The following NR3C2 variants were observed in gnomAD, a reference collection of about 807,000 sequenced individuals.
The protein encoded by NR3C2 is mineralocorticoid receptor.
A neutral mutation model predicts 86.4 loss-of-function variants in NR3C2; 15 were observed. The ratio of observed to expected loss-of-function variants is 0.17; its 90% CI spans 0.12 to 0.27. NR3C2 has a LOEUF of 0.27. Among genes scored for constraint, NR3C2 ranks in the 10% least tolerant of loss-of-function variants. The pLI, the probability that NR3C2 is intolerant of heterozygous loss-of-function variation, is 1.00. For synonymous variants in NR3C2, 458 were observed against 450.5 expected, an observed-to-expected ratio of 1.02 and a Z score of -0.21; for missense variants, 960 against 1,195.6, an observed-to-expected ratio of 0.80 and a Z score of 2.91.
chr4:148,168,933 C>T (rs1241457753), intron 4 of NR3C2, among the ~76,000 whole-genome samples: 1 of 147,192 alleles, frequency 6.8e-6, no homozygotes, highest in African/African-American at 2.6e-5. Context: ...CATAAAGTAC[C>T]CAATAATTAC....
intron 2 of NR3C2, among the ~76,000 whole-genome samples, chr4:148,375,122 C>T (rs557982675): frequency 6.6e-6 from 1 of 152,174 alleles, no homozygotes. Context: ...TTAATTTCTA[C>T]TCAGACCTAG....
chr4:148,259,420 T>C (rs1739985761), intron 3 of NR3C2, among the ~76,000 whole-genome samples: 1 of 149,406 alleles, frequency 6.7e-6, no homozygotes, highest in Admixed American at 6.8e-5. Context: ...CTGTGCATAG[T>C]GAATCTCAGT....
At chr4:148,326,343 G>A (rs772355439) in intron 2 of NR3C2, among the ~76,000 whole-genome samples, 3 of 152,092 alleles carry the variant, frequency 2.0e-5, no homozygotes, top group Non-Finnish European at 4.4e-5. Context: ...GGAGCCTGCA[G>A]TGAACTGAGA....
At chr4:148,336,291 G>A (rs1744483820) in intron 2 of NR3C2, among the ~76,000 whole-genome samples, 2 of 152,256 alleles carry the variant, frequency 1.3e-5, no homozygotes, top group South Asian at 4.1e-4. Flanking sequence ...CTAGGAAAAA[G>A]GGCTACATGC....
At chr4:148,423,524 T>C (rs932539360) in intron 2 of NR3C2, among the ~76,000 whole-genome samples, 1 of 152,192 alleles carries the variant, frequency 6.6e-6, no homozygotes, top group Non-Finnish European at 1.5e-5. Context: ...TGGTGACAAC[T>C]TTTATCTCCA....
chr4:148,358,239 C>A (rs377392666), intron 2 of NR3C2, among the ~76,000 whole-genome samples: 9 of 152,034 alleles, frequency 5.9e-5, no homozygotes, highest in East Asian at 3.9e-4. Context: ...CAACAATGAT[C>A]GACTGGATTA....
chr4:148,291,146 C>T (rs1741779729), intron 2 of NR3C2, among the ~76,000 whole-genome samples: 1 of 152,098 alleles, frequency 6.6e-6, no homozygotes, highest in Non-Finnish European at 1.5e-5. Flanking sequence ...GAATGATCCA[C>T]ATTATTTAAA....
intron 4 of NR3C2, among the ~76,000 whole-genome samples, chr4:148,173,101 TAC>T (rs758514466): frequency 9.2e-5 from 14 of 152,044 alleles, no homozygotes; most frequent in Non-Finnish European, 1.9e-4. Flanking sequence ...CTAGCAAGAA[TAC>T]AGAGAGACTT....
At chr4:148,367,878 A>C (rs1746228530) in intron 2 of NR3C2, among the ~76,000 whole-genome samples, 1 of 151,916 alleles carries the variant, frequency 6.6e-6, no homozygotes, top group Admixed American at 6.6e-5. Context: ...CTTTCAAAAA[A>C]AAAAAAAAAG....
chr4:148,420,124 G>A (rs1749207231), intron 2 of NR3C2, among the ~76,000 whole-genome samples: 1 of 152,166 alleles, frequency 6.6e-6, no homozygotes, highest in Non-Finnish European at 1.5e-5. Context: ...ACCCAAGCCA[G>A]ATCAATCAGA....
chr4:148,385,940 G>T (rs1250345863), intron 2 of NR3C2, among the ~76,000 whole-genome samples: 1 of 152,204 alleles, frequency 6.6e-6, no homozygotes, highest in Non-Finnish European at 1.5e-5. Flanking sequence ...TAAAGATGGA[G>T]CAATTGTCAT....
upstream of NR3C2, chr4:148,444,571 G>A (rs1454352466): frequency 1.0e-6 from 1 of 988,300 alleles, no homozygotes; most frequent in Non-Finnish European, 1.2e-6. Context: ...GAAGGGGAAC[G>A]GCTAGACTCC....
At chr4:148,252,295 C>T (rs1405264765) in intron 3 of NR3C2, among the ~76,000 whole-genome samples, 1 of 152,104 alleles carries the variant, frequency 6.6e-6, no homozygotes, top group Admixed American at 6.6e-5. Context: ...CCTATGACAA[C>T]AATTGTTGAG....
chr4:148,219,636 A>G (rs1737728899), intron 3 of NR3C2, among the ~76,000 whole-genome samples: 1 of 152,194 alleles, frequency 6.6e-6, no homozygotes, highest in African/African-American at 2.4e-5. Context: ...TCTCTTTTGC[A>G]GCTACATGTC....
intron 3 of NR3C2, among the ~76,000 whole-genome samples, chr4:148,240,951 T>C (rs1012187927): frequency 2.4e-4 from 37 of 152,148 alleles, no homozygotes; most frequent in African/African-American, 8.9e-4. Flanking sequence ...GGTGCCATAC[T>C]TCTCTGGAAC....
intron 3 of NR3C2, among the ~76,000 whole-genome samples, chr4:148,237,178 G>GA (rs1286383511): frequency 2.6e-5 from 4 of 152,218 alleles, no homozygotes; most frequent in East Asian, 3.9e-4. Flanking sequence ...AAATTTGGGG[G>GA]AAAAAATCAA....
At chr4:148,275,879 C>T (rs1445384665) in intron 2 of NR3C2, among the ~76,000 whole-genome samples, 2 of 151,918 alleles carry the variant, frequency 1.3e-5, no homozygotes, top group Non-Finnish European at 2.9e-5. Context: ...GAATTCAATT[C>T]CTGAAATAGG....
chr4:148,360,019 G>A (rs562994064), intron 2 of NR3C2, among the ~76,000 whole-genome samples: 37 of 152,246 alleles, frequency 2.4e-4, no homozygotes, highest in African/African-American at 8.9e-4. Context: ...GGAAGACAAG[G>A]TAGCAGAACA....
At chr4:148,372,489 C>A (rs1210459340) in intron 2 of NR3C2, among the ~76,000 whole-genome samples, 3 of 151,812 alleles carry the variant, frequency 2.0e-5, no homozygotes, top group East Asian at 1.9e-4. Context: ...ACCAAAGAGG[C>A]ATTCTTAACA....
Sources: allele counts gnomAD v4.1 joint callset (sites outside exome capture counted in the v4.1 genomes callset), GRCh38; gene constraint gnomAD v4.1.1; transcripts MANE v1.5; gene names NCBI Gene and HGNC (gene_info 2026-07-23, HGNC 2026-07-21).